TENM3: variants seen among roughly 807,000 people sequenced by gnomAD.
TENM3 encodes teneurin transmembrane protein 3, also known as teneurin-3.
Under a neutral mutation model 255.1 loss-of-function variants are expected in TENM3, and 63 were observed. That is an observed-to-expected ratio of 0.25 (90% CI 0.20 to 0.30). The LOEUF (loss-of-function observed/expected upper bound fraction) is 0.30. Among genes scored for constraint, TENM3 ranks in the 10% least tolerant of loss-of-function variants. The probability of loss-of-function intolerance (pLI) is 1.00; values close to 1 mark genes in which losing one functional copy is unlikely to be tolerated. For missense variants in TENM3, 2,929 were observed against 3,461.1 expected (o/e 0.85, Z 3.86); for synonymous variants, 1,306 against 1,322.3 (o/e 0.99, Z 0.27).
At chr4:182,179,614 C>T (rs1194262435) in intron 1 of TENM3, among the ~76,000 whole-genome samples, 1 of 152,096 alleles carries the variant, frequency 6.6e-6, no homozygotes, top group African/African-American at 2.4e-5. Flanking sequence ...AAGAGAACAA[C>T]AAAATGTACT....
chr4:182,744,116 T>TTTTTA, intron 19 of TENM3: 1 of 777,106 alleles, frequency 1.3e-6, no homozygotes, highest in Non-Finnish European at 1.6e-6. Context: ...TTTTTTTTTT[T>TTTTTA]ACCTTTTTTT....
the TENM3 span, among the ~76,000 whole-genome samples, chr4:182,137,364 T>G: frequency 1.3e-5 from 2 of 150,282 alleles, no homozygotes; most frequent in African/African-American, 4.9e-5. Flanking sequence ...GAATTACATT[T>G]CTCTTCTTGT....
chr4:181,718,599 G>A, the TENM3 span, among the ~76,000 whole-genome samples: 2 of 152,212 alleles, frequency 1.3e-5, no homozygotes, highest in Non-Finnish European at 2.9e-5. Flanking sequence ...CAAGGGTTTG[G>A]TCGCAATGGA....
chr4:182,235,388 G>A lies in TENM3; in HGVS notation c.-75-88558G>A, dbSNP rs183385055. On this transcript the variant is annotated intron_variant, in intron 1 of 2. Transcript: ENST00000512480. ...GCAGCAAAAATCTACCTTCCCAGGC[G>A]GTGGTTCTTCAGGAAGACTGTAGCG... Among the ~76,000 whole-genome samples the A allele has an allele frequency of 6.3e-3, 963 of 152,302 alleles. 13 individuals carry two copies. The highest frequency in any genetic ancestry group is 0.021 in the African/African-American group (863 of 41,566).
the TENM3 span, among the ~76,000 whole-genome samples, chr4:181,668,535 C>T: frequency 6.6e-6 from 1 of 152,130 alleles, no homozygotes; most frequent in Non-Finnish European, 1.5e-5. Flanking sequence ...GGTTCCTTTG[C>T]TTGTGGCAGC....
intron 2 of TENM3, among the ~76,000 whole-genome samples, chr4:182,344,799 G>A (rs1315188121): frequency 6.6e-6 from 1 of 152,010 alleles, no homozygotes; most frequent in Non-Finnish European, 1.5e-5. Flanking sequence ...GAGTCCTCCC[G>A]TATGTTACAA....
At chr4:182,509,058 C>T (rs996415876) in intron 3 of TENM3, among the ~76,000 whole-genome samples, 2 of 152,072 alleles carry the variant, frequency 1.3e-5, no homozygotes, top group South Asian at 2.1e-4. Context: ...TGGAATTATC[C>T]GTTATTTTTA....
intron 3 of TENM3, among the ~76,000 whole-genome samples, chr4:182,585,031 A>G (rs1560961194): frequency 1.3e-5 from 2 of 152,230 alleles, no homozygotes; most frequent in Non-Finnish European, 2.9e-5. Context: ...ATATACTAAC[A>G]TGTAAACATC....
At chr4:182,310,710 T>C (rs1025080335) in intron 1 of TENM3, among the ~76,000 whole-genome samples, 1 of 151,650 alleles carries the variant, frequency 6.6e-6, no homozygotes, top group Non-Finnish European at 1.5e-5. Flanking sequence ...CAGGTTTTTT[T>C]GTTTGTTTGT....
At chr4:182,439,685 C>T (rs1772314335) in intron 3 of TENM3, among the ~76,000 whole-genome samples, 1 of 152,196 alleles carries the variant, frequency 6.6e-6, no homozygotes, top group Non-Finnish European at 1.5e-5. Flanking sequence ...CTGACATTCA[C>T]CCCATTATTC....
intron 4 of TENM3, among the ~76,000 whole-genome samples, chr4:182,624,099 C>T (rs1351665788): frequency 6.6e-6 from 1 of 152,172 alleles, no homozygotes; most frequent in Admixed American, 6.5e-5. Context: ...CTCCAGGAAT[C>T]ACGCGGGGAG....
At chr4:181,828,651 C>T in the TENM3 span, among the ~76,000 whole-genome samples, 1 of 152,098 alleles carries the variant, frequency 6.6e-6, no homozygotes, top group Non-Finnish European at 1.5e-5. Context: ...TGCAGTGGCA[C>T]CATCTCAGCT....
At chr4:181,467,119 A>ATT in the TENM3 span, among the ~76,000 whole-genome samples, 2 of 56,330 alleles carry the variant, frequency 3.6e-5, no homozygotes, top group Non-Finnish European at 6.5e-5. Flanking sequence ...ATATATATAT[A>ATT]TATATATTTT....
At chr4:182,389,743 T>G (rs544922060) in intron 3 of TENM3, among the ~76,000 whole-genome samples, 1 of 138,440 alleles carries the variant, frequency 7.2e-6, no homozygotes, top group Non-Finnish European at 1.5e-5. Flanking sequence ...TGGAGTGCAG[T>G]GGCGCGATCT....
chr4:182,202,538 C>G (rs938422480), intron 1 of TENM3, among the ~76,000 whole-genome samples: 1 of 152,086 alleles, frequency 6.6e-6, no homozygotes, highest in Non-Finnish European at 1.5e-5. Flanking sequence ...CTCCTGACCT[C>G]AGGTCATCCA....
chr4:181,550,746 T>G, the TENM3 span, among the ~76,000 whole-genome samples: 2 of 152,184 alleles, frequency 1.3e-5, no homozygotes, highest in Non-Finnish European at 2.9e-5. Context: ...CTAAGCAGTA[T>G]TTATTATTAC....
chr4:181,656,785 G>A, the TENM3 span, among the ~76,000 whole-genome samples: 1 of 152,324 alleles, frequency 6.6e-6, no homozygotes, highest in Non-Finnish European at 1.5e-5. Context: ...TGCCAGGACA[G>A]AAACATCTCA....
chr4:182,374,558 C>A (rs1323801828), intron 3 of TENM3, among the ~76,000 whole-genome samples: 4 of 152,160 alleles, frequency 2.6e-5, no homozygotes, highest in South Asian at 4.1e-4. Context: ...TTCCCACTTA[C>A]CATTTCCAAA....
chr4:182,077,572 G>T, the TENM3 span, among the ~76,000 whole-genome samples: 3 of 152,270 alleles, frequency 2.0e-5, no homozygotes, highest in Non-Finnish European at 2.9e-5. Context: ...GCAGGTAGAG[G>T]AAGGAAGGGC....
Sources: allele counts gnomAD v4.1 joint callset (sites outside exome capture counted in the v4.1 genomes callset), GRCh38; gene constraint gnomAD v4.1.1; transcripts MANE v1.5; gene names NCBI Gene and HGNC (gene_info 2026-07-23, HGNC 2026-07-21).